The following CPB2 variants were observed in gnomAD, a reference collection of about 807,000 sequenced individuals.
The protein encoded by CPB2 is carboxypeptidase B2, also known as carboxypeptidase B-like protein.
Under a neutral mutation model 57.0 loss-of-function variants are expected in CPB2, and 54 were observed. The observed-to-expected ratio is 0.95, with a 90% CI of 0.76 to 1.19. The LOEUF is 1.19. Among genes scored for constraint, CPB2 ranks in the 50% most tolerant of loss-of-function variants. CPB2 has a pLI of 0.00. For missense variants in CPB2, 426 were observed against 512.0 expected (o/e 0.83, Z 1.62); for synonymous variants, 189 against 178.1 (o/e 1.06, Z -0.49).
At chr13:46,075,972 G>C (rs2045016268) in intron 5 of CPB2, among the ~76,000 whole-genome samples, 1 of 152,148 alleles carries the variant, frequency 6.6e-6, no homozygotes, top group East Asian at 1.9e-4. Context: ...AATTTCTCTT[G>C]CATAATATTT....
intron 1 of CPB2, among the ~76,000 whole-genome samples, chr13:46,092,682 T>C (rs2045310285): frequency 6.6e-6 from 1 of 152,112 alleles, no homozygotes; most frequent in Non-Finnish European, 1.5e-5. Context: ...TTTGGAAAAA[T>C]GGCTCTTGTT....
intron 6 of CPB2, among the ~76,000 whole-genome samples, chr13:46,071,726 T>C (rs9534308): frequency 0.34 from 52,219 of 151,952 alleles, 9,208 homozygotes; most frequent in African/African-American, 0.39. Flanking sequence ...AATGCTGATC[T>C]ACTCCACCAG....
chr13:46,080,708 C>T (rs760582604), intron 4 of CPB2, among the ~76,000 whole-genome samples: 1 of 152,096 alleles, frequency 6.6e-6, no homozygotes, highest in Non-Finnish European at 1.5e-5. Flanking sequence ...TGGTGGCTCA[C>T]ACCTGTAATC....
chr13:46,074,732 A>T (rs2044995475), intron 5 of CPB2, among the ~76,000 whole-genome samples: 1 of 152,194 alleles, frequency 6.6e-6, no homozygotes, highest in Non-Finnish European at 1.5e-5. Context: ...GACCAGTTTC[A>T]TGGAAGACAA....
At chr13:46,072,986 T>C (rs536675665) in intron 6 of CPB2, among the ~76,000 whole-genome samples, 18 of 152,034 alleles carry the variant, frequency 1.2e-4, no homozygotes, top group African/African-American at 4.1e-4. Context: ...CTCAGGGAGG[T>C]TGCAGCTCCC....
intron 9 of CPB2, 73 bp from the exon 10 acceptor site, chr13:46,055,922 AT>A: frequency 2.4e-6 from 2 of 825,754 alleles, no homozygotes; most frequent in East Asian, 2.5e-5. Flanking sequence ...TTTCTAAAAA[AT>A]AATCATACAT....
chr13:46,096,001 C>G (rs1014330044), intron 1 of CPB2, among the ~76,000 whole-genome samples: 13 of 151,374 alleles, frequency 8.6e-5, no homozygotes, highest in African/African-American at 2.7e-4. Context: ...CTGCCTCAGC[C>G]TCTCGAGTAA....
rs970525394 is a variant in CPB2, at chr13:46,073,792, A to T, written c.591+81T>A. 19 of 863,136 alleles carry T rather than the reference A, an allele frequency of 2.2e-5. 1 individual carries two copies. Among genetic ancestry groups the T allele is most frequent in the Non-Finnish European group, 3.2e-5 (19 of 588,062 alleles). The allele number at this position is 863,136 out of a possible 1,614,324, so 53.5% of individuals were successfully genotyped here. On this transcript the variant is annotated intron_variant, in intron 6 of 10. Transcript: ENST00000181383. The stretch of plus-strand genomic sequence containing the variant: ...ATGTGACCTAGGAAAATGCATTTTA[A>T]TAAATAGCCCAGTTGAGTCTGACAC...
At chr13:46,068,289 A>G (rs1052234529) in intron 6 of CPB2, among the ~76,000 whole-genome samples, 2 of 152,116 alleles carry the variant, frequency 1.3e-5, no homozygotes, top group Non-Finnish European at 2.9e-5. Context: ...CTTTTTCATT[A>G]TTGACAAAAT....
At chr13:46,067,097 A>AT (rs986356452) in intron 7 of CPB2, among the ~76,000 whole-genome samples, 2 of 152,118 alleles carry the variant, frequency 1.3e-5, no homozygotes, top group Admixed American at 1.3e-4. Flanking sequence ...TCATGAGTTA[A>AT]TTATTGTTGA....
chr13:46,087,993 CTT>C (rs769081036), intron 1 of CPB2, among the ~76,000 whole-genome samples, 173 bp from the exon 2 acceptor site: 54 of 152,310 alleles, frequency 3.5e-4, no homozygotes, highest in Admixed American at 1.1e-3. Context: ...TACTCTCAGT[CTT>C]TATGCTCCTA....
chr13:46,083,933 C>G (rs1023259567), intron 3 of CPB2, among the ~76,000 whole-genome samples: 1 of 152,194 alleles, frequency 6.6e-6, no homozygotes, highest in Non-Finnish European at 1.5e-5. Context: ...CTCCCTGAGT[C>G]TGGGTACAGA....
In CPB2 at chr13:46,053,617, A is replaced by AAAT; in HGVS notation, c.1268_1269insATT. 6.2e-7 allele frequency: 1 copy of AAAT among 1,612,670 alleles called. No homozygotes were observed. Among genetic ancestry groups the AAAT allele is most frequent in the African/African-American group, 1.3e-5 (1 of 75,002 alleles). On this transcript the variant is annotated inframe_insertion, in exon 11 of 11. Transcript: ENST00000181383. ...CAGAATGATAAAATCAGGGGCATTA[A>AAAT]ACATTCCTAATGACATGCCAAGCTA...
At chr13:46,088,943 G>GT (rs1201255664) in intron 1 of CPB2, among the ~76,000 whole-genome samples, 17 of 147,076 alleles carry the variant, frequency 1.2e-4, no homozygotes, top group Non-Finnish European at 2.1e-4. Context: ...ATATCTTCTA[G>GT]CAGTTTGTAA....
intron 6 of CPB2, among the ~76,000 whole-genome samples, chr13:46,071,041 C>G (rs546831585): frequency 6.6e-6 from 1 of 152,192 alleles, no homozygotes; most frequent in African/African-American, 2.4e-5. Context: ...AGCAGCAGTT[C>G]AATGCTATTA....
intron 5 of CPB2, 56 bp from the exon 6 acceptor site, chr13:46,074,033 T>A: frequency 9.9e-7 from 1 of 1,005,500 alleles, no homozygotes; most frequent in Non-Finnish European, 1.5e-6. Flanking sequence ...TTCAGGATAA[T>A]AACTTTCATT....
intron 1 of CPB2, chr13:46,098,460 G>T (rs559554331): frequency 7.2e-5 from 11 of 152,304 alleles, no homozygotes; most frequent in African/African-American, 2.6e-4. Flanking sequence ...GAAGAAAATT[G>T]ACCTGAGTGA....
At chr13:46,077,372 C>T (rs2045038334) in intron 5 of CPB2, among the ~76,000 whole-genome samples, 1 of 152,044 alleles carries the variant, frequency 6.6e-6, no homozygotes, top group South Asian at 2.1e-4. Flanking sequence ...AACCACAATG[C>T]AATGTCATCT....
intron 1 of CPB2, 46 bp from the exon 2 acceptor site, chr13:46,087,866 A>G: frequency 7.7e-7 from 1 of 1,293,056 alleles, no homozygotes; most frequent in South Asian, 1.2e-5. Flanking sequence ...ATAAAGAGTA[A>G]AGATGGAATA....
Sources: gnomAD v4.1 joint callset for allele counts (sites outside exome capture counted in the v4.1 genomes callset) on GRCh38, gnomAD v4.1.1 for gene constraint, MANE v1.5 for transcripts, NCBI Gene and HGNC (gene_info 2026-07-23, HGNC 2026-07-21) for gene names.